The following MAST4 variants were observed in gnomAD, a reference collection of about 807,000 sequenced individuals.
MAST4 encodes microtubule associated serine/threonine kinase family member 4.
In MAST4, 89 loss-of-function variants were observed where a neutral mutation model predicts 162.7. The ratio of observed to expected loss-of-function variants is 0.55; its 90% CI spans 0.46 to 0.65. The LOEUF is 0.65. MAST4 is among the 30% of genes least tolerant of loss of function. The pLI, the probability that MAST4 is intolerant of heterozygous loss-of-function variation, is 0.00. For missense variants in MAST4, 3,153 were observed against 3,374.0 expected, an observed-to-expected ratio of 0.93 and a Z score of 1.62; for synonymous variants, 1,479 against 1,361.1, an observed-to-expected ratio of 1.09 and a Z score of -1.91.
rs759045699 is a variant in MAST4 at position 67,166,893 on chromosome 5, C to T, written c.7714C>T (p.Pro2572Ser). 1.2e-6 allele frequency: 2 copies of T among 1,610,762 alleles called. No homozygotes were observed. The highest frequency in any genetic ancestry group is 2.2e-5 in the East Asian group (1 of 44,794). Residue 2572 changes from proline to serine, a missense_variant, in exon 29 of 29, where the codon CCA becomes TCA. By Grantham distance (74) the Pro-to-Ser change is moderately conservative. Around this residue, in one of 7 missense-constraint regions of MAST4, gnomAD observed 1,644 missense variants for 1,495.0 expected, o/e 1.10. Coordinates refer to ENST00000403625, the MANE Select transcript of MAST4 (RefSeq NM_001164664.2). ...GGACCCTGCCCCAGCCCAGCCTCCC[C>T]CAGCTAGGAAACAGAACGTGGGCAG... The part of the protein sequence containing the change: ...GKDPAPAQPP[P>S]ARKQNVGRDV...
intron 1 of MAST4, among the ~76,000 whole-genome samples, chr5:66,722,326 AC>A (rs1751262426): frequency 6.6e-6 from 1 of 151,762 alleles, no homozygotes; most frequent in South Asian, 2.1e-4. Flanking sequence ...AGAAATTTTT[AC>A]CCTATGTAGG....
Position 67,163,318 on chromosome 5 carries a change from C to T in MAST4, c.4139C>T (p.Ala1380Val), listed in dbSNP as rs1317557478. The T allele has an allele frequency of 2.5e-6, 4 of 1,612,944 alleles. No homozygotes were observed. Among genetic ancestry groups the T allele is most frequent in the Non-Finnish European group, 3.4e-6 (4 of 1,179,838 alleles). Reference sequence around the variant, plus strand: ...GGCAACATCCCACTGTCCCCGCTGGCCCGGACGCCCTCTCCAACCCCGCAA... The same window carrying T: ...GGCAACATCCCACTGTCCCCGCTGGTCCGGACGCCCTCTCCAACCCCGCAA... ...SAGNIPLSPLARTPSPTPQPT... is the reference protein window; with the variant it reads ...SAGNIPLSPLVRTPSPTPQPT... Residue 1380 changes from alanine (A) to valine (V), a missense_variant, in exon 29 of 29, where the codon GCC becomes GTC. By Grantham distance (64) the Ala-to-Val change is moderately conservative (BLOSUM62 0). Transcript: ENST00000403625. This position sits in a 1 kb window ranked among gnomAD's most constrained non-coding sequence, Gnocchi z 7.0.
At chr5:67,082,088 A>G (rs544317099) in intron 5 of MAST4, among the ~76,000 whole-genome samples, 3 of 152,128 alleles carry the variant, frequency 2.0e-5, no homozygotes, top group Admixed American at 6.5e-5. Flanking sequence ...GAATCTAGTT[A>G]TAAGGAAATA....
chr5:66,968,874 C>T (rs1201865207), intron 4 of MAST4, among the ~76,000 whole-genome samples: 1 of 152,050 alleles, frequency 6.6e-6, no homozygotes, highest in African/African-American at 2.4e-5. Context: ...ATATGCCTAG[C>T]TATGGTGAGG....
chr5:66,921,297 T>G (rs1273599260), intron 4 of MAST4, among the ~76,000 whole-genome samples: 5 of 152,126 alleles, frequency 3.3e-5, no homozygotes, highest in Non-Finnish European at 5.9e-5. Flanking sequence ...ATTTCAGGCC[T>G]CATGTTCAAA....
Position 67,166,528 on chromosome 5 carries a change from G to A in MAST4, c.7349G>A (p.Arg2450Gln), listed in dbSNP as rs576028127. The change falls in exon 29 of 29, where the codon CGA becomes CAA. Residue 2450 changes from arginine (R) to glutamine (Q), a missense_variant. Coordinates refer to ENST00000403625, the MANE Select transcript of MAST4 (RefSeq NM_001164664.2). ...SPSATGQSSF[R>Q]STALPEKSLS... The stretch of plus-strand genomic sequence containing the variant: ...TCAGCCACTGGGCAGAGTTCTTTCC[G>A]ATCCACGGCCCTCCCGGAAAAGTCT... 1.9e-6 allele frequency: 3 copies of A among 1,607,486 alleles called. No homozygotes were observed. Among genetic ancestry groups the A allele is most frequent in the Non-Finnish European group, 2.5e-6 (3 of 1,177,068 alleles).
At chr5:67,079,971 T>C (rs1762412945) in intron 5 of MAST4, among the ~76,000 whole-genome samples, 2 of 152,206 alleles carry the variant, frequency 1.3e-5, no homozygotes, top group African/African-American at 4.8e-5. Flanking sequence ...GAGGGAAAAG[T>C]GGCAGTACTT....
intron 1 of MAST4, among the ~76,000 whole-genome samples, chr5:66,740,701 G>A (rs1445600257): frequency 6.6e-6 from 1 of 152,188 alleles, no homozygotes; most frequent in African/African-American, 2.4e-5. Flanking sequence ...AAGGAAGCAG[G>A]CCCAGTGGAG....
At chr5:67,144,627 T>C (rs1313055603) in intron 21 of MAST4, 42 bp from the exon 22 acceptor site, 2 of 1,599,826 alleles carry the variant, frequency 1.3e-6, no homozygotes, top group Non-Finnish European at 1.7e-6. Context: ...TGACAAACTC[T>C]TTTTAGTAGA....
chr5:66,762,316 T>C (rs547555037), intron 2 of MAST4, among the ~76,000 whole-genome samples: 1 of 152,332 alleles, frequency 6.6e-6, no homozygotes, highest in Admixed American at 6.5e-5. Flanking sequence ...TTGAAAATTA[T>C]ATTAGAATAT....
chr5:66,639,208 A>G (rs1482124438), intron 1 of MAST4, among the ~76,000 whole-genome samples: 1 of 151,676 alleles, frequency 6.6e-6, no homozygotes, highest in African/African-American at 2.4e-5. Context: ...GAATGATGTC[A>G]TGGGAACCAA....
chr5:66,647,422 G>A (rs1373182162), intron 1 of MAST4, among the ~76,000 whole-genome samples: 2 of 151,952 alleles, frequency 1.3e-5, no homozygotes, highest in Non-Finnish European at 2.9e-5. Flanking sequence ...CTAAGAAGTT[G>A]TTTTTACCAA....
At chr5:67,124,503 T>G (rs1034838083) in intron 14 of MAST4, among the ~76,000 whole-genome samples, 1 of 152,070 alleles carries the variant, frequency 6.6e-6, no homozygotes, top group African/African-American at 2.4e-5. Context: ...AGACAACAAT[T>G]ATTACTAAAT....
chr5:66,635,972 T>TTTTTTTTTTTTTTC (rs1745090150), intron 1 of MAST4, among the ~76,000 whole-genome samples: 1 of 128,600 alleles, frequency 7.8e-6, no homozygotes, highest in South Asian at 2.6e-4. Context: ...TTTTTTTTTT[T>TTTTTTTTTTTTTTC]TTTCGAGACA....
chr5:66,988,603 A>G (rs1371448136), intron 4 of MAST4, among the ~76,000 whole-genome samples: 1 of 152,248 alleles, frequency 6.6e-6, no homozygotes, highest in Non-Finnish European at 1.5e-5. Context: ...AGGTACTTAG[A>G]GGTTAAGTAA....
At chr5:66,859,996 C>A (rs1759979942) in intron 3 of MAST4, among the ~76,000 whole-genome samples, 1 of 152,188 alleles carries the variant, frequency 6.6e-6, no homozygotes, top group South Asian at 2.1e-4. Context: ...CTTAAAAAGT[C>A]AAACTGATAA....
chr5:66,993,376 G>A (rs990002489), intron 4 of MAST4, among the ~76,000 whole-genome samples: 1 of 152,222 alleles, frequency 6.6e-6, no homozygotes, highest in Non-Finnish European at 1.5e-5. Context: ...GACATACACA[G>A]ATGAATAGAA....
chr5:66,947,029 T>A (rs1320303886), intron 4 of MAST4, among the ~76,000 whole-genome samples: 2 of 152,178 alleles, frequency 1.3e-5, no homozygotes, highest in East Asian at 1.9e-4. Context: ...TGATTACAGC[T>A]TGATTATGGT....
intron 5 of MAST4, among the ~76,000 whole-genome samples, chr5:67,062,596 A>T (rs1308785120): frequency 6.6e-6 from 1 of 152,204 alleles, no homozygotes; most frequent in Non-Finnish European, 1.5e-5. Flanking sequence ...AGCTGCATAG[A>T]CATGATAGTA....
Sources: gnomAD v4.1 joint callset for allele counts (sites outside exome capture counted in the v4.1 genomes callset) on GRCh38, gnomAD v4.1.1 for gene constraint, gnomAD v4.1.1 regional missense constraint, Gnocchi (gnomAD v3.1) non-coding constraint, MANE v1.5 for transcripts, NCBI Gene and HGNC (gene_info 2026-07-23, HGNC 2026-07-21) for gene names.